The following EPHA6 variants were observed in gnomAD, a reference collection of about 807,000 sequenced individuals.
EPHA6 encodes the protein EPH receptor A6, also known as ephrin type-A receptor 6.
A neutral mutation model predicts 112.0 loss-of-function variants in EPHA6; 50 were observed. That is an observed-to-expected ratio of 0.45 (90% confidence interval 0.36 to 0.56). The LOEUF is 0.56. EPHA6 is among the 20% of genes least tolerant of loss of function. The pLI is 0.00. For synonymous variants in EPHA6, 529 were observed against 490.7 expected (o/e 1.08, Z -1.03); for missense variants, 1,280 against 1,417.4 (o/e 0.90, Z 1.56).
At chr3:96,829,935 ATG>A (rs1491302985) in intron 1 of EPHA6, among the ~76,000 whole-genome samples, 4 of 117,622 alleles carry the variant, frequency 3.4e-5, no homozygotes, top group African/African-American at 1.5e-4. Context: ...ATGCACGTGC[ATG>A]TGCGCGCGCG....
intron 2 of EPHA6, among the ~76,000 whole-genome samples, chr3:96,893,941 C>G (rs2038120635): frequency 6.6e-6 from 1 of 152,130 alleles, no homozygotes; most frequent in African/African-American, 2.4e-5. Context: ...TTTTTAGAAA[C>G]TCTAGATAAG....
intron 14 of EPHA6, among the ~76,000 whole-genome samples, chr3:97,698,842 G>A (rs545089538): frequency 8.5e-5 from 13 of 152,120 alleles, no homozygotes; most frequent in African/African-American, 2.6e-4. Context: ...ATTTATTTTT[G>A]TATCCACAAG....
chr3:96,938,991 T>C (rs1480764586), intron 2 of EPHA6, among the ~76,000 whole-genome samples: 1 of 152,216 alleles, frequency 6.6e-6, no homozygotes, highest in Non-Finnish European at 1.5e-5. Context: ...TTTGATGTGC[T>C]GCTGGATTTG....
chr3:97,420,895 G>A (rs2088568777), intron 6 of EPHA6, among the ~76,000 whole-genome samples: 1 of 151,118 alleles, frequency 6.6e-6, no homozygotes. Context: ...GAATGCATGA[G>A]TATTTTAACA....
At chr3:97,732,275 C>G (rs144927990) in intron 15 of EPHA6, among the ~76,000 whole-genome samples, 12 of 151,528 alleles carry the variant, frequency 7.9e-5, no homozygotes, top group African/African-American at 2.9e-4. Context: ...AACCCACGCA[C>G]TTGGCCCTGC....
intron 14 of EPHA6, among the ~76,000 whole-genome samples, chr3:97,705,233 C>A (rs1024546462): frequency 1.3e-5 from 2 of 152,050 alleles, no homozygotes; most frequent in African/African-American, 2.4e-5. Context: ...TTACATTCTC[C>A]TCTCTACCTG....
chr3:97,444,474 T>C lies in EPHA6; in HGVS notation c.1732-4094T>C, dbSNP rs908143148. 1.2e-4 allele frequency among the ~76,000 whole-genome samples: 18 copies of C among 152,284 alleles called. No homozygotes were observed. The East Asian group carries it at 3.5e-3, about 29-fold the overall frequency. ...TTGAATTGAATTGCTAGGTAGAACG[T>C]TGGTGATTACGTAAGCTACACCTAA... On this transcript the variant is annotated intron_variant, in intron 6 of 17. Coordinates refer to ENST00000389672, the MANE Select transcript of EPHA6 (RefSeq NM_001080448.3).
chr3:96,903,682 G>A (rs113213197), intron 2 of EPHA6, among the ~76,000 whole-genome samples: 21 of 152,046 alleles, frequency 1.4e-4, no homozygotes, highest in African/African-American at 5.1e-4. Flanking sequence ...CCTACGGAAT[G>A]GGAGAAAATT....
intron 3 of EPHA6, among the ~76,000 whole-genome samples, chr3:97,168,978 T>C (rs2076616585): frequency 6.6e-6 from 1 of 152,162 alleles, no homozygotes; most frequent in Non-Finnish European, 1.5e-5. Context: ...TATAGCAGTG[T>C]GATAATGGAC....
At chr3:97,340,439 C>A (rs745792432) in intron 5 of EPHA6, among the ~76,000 whole-genome samples, 9 of 152,136 alleles carry the variant, frequency 5.9e-5, no homozygotes, top group African/African-American at 9.7e-5. Context: ...AATTAATATT[C>A]TCAGCCTGTT....
At chr3:97,549,116 G>A (rs1232877765) in intron 11 of EPHA6, among the ~76,000 whole-genome samples, 1 of 152,160 alleles carries the variant, frequency 6.6e-6, no homozygotes, top group Admixed American at 6.5e-5. Flanking sequence ...TTGTGTATTA[G>A]CTAACTATAC....
In EPHA6 at chr3:97,496,894, G is replaced by A. The variant is rs537786178; in HGVS notation, c.2200+12835G>A. The stretch of plus-strand genomic sequence containing the variant: ...TGTCATGAAATCATTATTTAGGATA[G>A]GATTACAAATTTCCCTCATTTGTAG... On this transcript the variant is annotated intron_variant, in intron 10 of 17. Coordinates refer to ENST00000389672, the MANE Select transcript of EPHA6 (RefSeq NM_001080448.3). Among the ~76,000 whole-genome samples the A allele has an allele frequency of 4.6e-5, 7 of 152,124 alleles. No individual in the cohort carries two copies. In the South Asian group the frequency reaches 8.3e-4, roughly 18 times the overall value.
At chr3:97,079,198 A>G (rs771900514) in intron 3 of EPHA6, among the ~76,000 whole-genome samples, 1 of 152,126 alleles carries the variant, frequency 6.6e-6, no homozygotes, top group Non-Finnish European at 1.5e-5. Flanking sequence ...ACATGGAATC[A>G]ACCTAAATGC....
chr3:97,431,862 CAGAT>C (rs987406697), intron 6 of EPHA6, among the ~76,000 whole-genome samples: 7 of 152,110 alleles, frequency 4.6e-5, no homozygotes, highest in African/African-American at 1.7e-4. Context: ...ACATGGCAAA[CAGAT>C]AGCGGTACCT....
At chr3:97,271,350 T>C (rs2079872837) in intron 5 of EPHA6, among the ~76,000 whole-genome samples, 1 of 152,254 alleles carries the variant, frequency 6.6e-6, no homozygotes, top group African/African-American at 2.4e-5. Flanking sequence ...TTTGTGTGCC[T>C]TCTCTCTTCA....
At chr3:97,223,219 A>G (rs567128583) in intron 3 of EPHA6, among the ~76,000 whole-genome samples, 8 of 152,342 alleles carry the variant, frequency 5.3e-5, no homozygotes, top group Middle Eastern at 6.8e-3. Context: ...AAAGAAAAAT[A>G]TCTCCCTTAT....
At chr3:97,506,402 G>A (rs1357949157) in intron 10 of EPHA6, among the ~76,000 whole-genome samples, 1 of 152,148 alleles carries the variant, frequency 6.6e-6, no homozygotes, top group Non-Finnish European at 1.5e-5. Flanking sequence ...TCTGCATATG[G>A]CTAGCCAGTT....
At chr3:97,373,753 T>C (rs1312901717) in intron 5 of EPHA6, among the ~76,000 whole-genome samples, 1 of 152,182 alleles carries the variant, frequency 6.6e-6, no homozygotes, top group Non-Finnish European at 1.5e-5. Flanking sequence ...TTGCTTTATA[T>C]TACTAAGAAT....
rs1022341896 is a variant in EPHA6, at chr3:97,753,228, G to C, written c.*4527G>C. On this transcript the variant is annotated 3_prime_UTR_variant, in exon 18 of 18. Coordinates refer to ENST00000389672, the MANE Select transcript of EPHA6 (RefSeq NM_001080448.3). ...AAAATTTTACTACAAAGATACGTTT[G>C]GCTGTGCTGTCATTGCTTTCAAGTA... is the stretch of plus-strand genomic sequence containing the variant. Among the ~76,000 whole-genome samples the C allele has an allele frequency of 1.4e-4, 22 of 151,974 alleles. No individual in the cohort carries two copies. Among genetic ancestry groups the C allele is most frequent in the African/African-American group, 5.3e-4 (22 of 41,388 alleles).
Sources: gnomAD v4.1 joint callset for allele counts (sites outside exome capture counted in the v4.1 genomes callset) on GRCh38, gnomAD v4.1.1 for gene constraint, MANE v1.5 for transcripts, NCBI Gene and HGNC (gene_info 2026-07-23, HGNC 2026-07-21) for gene names.